RNF216: variants seen among roughly 807,000 people sequenced by gnomAD.
The protein encoded by RNF216 is E3 ubiquitin-protein ligase RNF216.
Under a neutral mutation model 110.8 loss-of-function variants are expected in RNF216, and 72 were observed. That is an observed-to-expected ratio of 0.65 (90% CI 0.54 to 0.79). The LOEUF (loss-of-function observed/expected upper bound fraction) is 0.79. RNF216 is among the 30% of genes least tolerant of loss of function. RNF216 has a pLI of 0.00. For synonymous variants in RNF216, 495 were observed against 407.5 expected, an observed-to-expected ratio of 1.21 and a Z score of -2.59; for missense variants, 1,342 against 1,141.2, an observed-to-expected ratio of 1.18 and a Z score of -2.54.
chr7:5,737,730 T>G (rs1794510591), intron 5 of RNF216, among the ~76,000 whole-genome samples: 1 of 152,042 alleles, frequency 6.6e-6, no homozygotes, highest in Non-Finnish European at 1.5e-5. Context: ...ACCTGCAACC[T>G]TGACTGAGAA....
chr7:5,670,993 TGCCGGA>T (rs2307941), intron 13 of RNF216, among the ~76,000 whole-genome samples: 2,271 of 152,342 alleles, frequency 0.015, 29 homozygotes, highest in South Asian at 0.034. Flanking sequence ...CCGGGGGAGC[TGCCGGA>T]GTGGCAGCCT....
chr7:5,750,835 G>A (rs1795289947), intron 3 of RNF216, among the ~76,000 whole-genome samples: 2 of 152,250 alleles, frequency 1.3e-5, no homozygotes, highest in Admixed American at 1.3e-4. Context: ...AGCCTCTGCA[G>A]ATAACCTGCA....
At chr7:5,646,389 A>T (rs2128571741) in intron 14 of RNF216, among the ~76,000 whole-genome samples, 1 of 151,828 alleles carries the variant, frequency 6.6e-6, no homozygotes, top group East Asian at 1.9e-4. Context: ...AAAACAAAAC[A>T]AAACAAAAGG....
At chr7:5,654,574 C>T (rs1788610580) in intron 13 of RNF216, among the ~76,000 whole-genome samples, 1 of 149,762 alleles carries the variant, frequency 6.7e-6, no homozygotes, top group African/African-American at 2.5e-5. Flanking sequence ...GTAATCCCAG[C>T]TACTTGGGAG....
intron 13 of RNF216, among the ~76,000 whole-genome samples, chr7:5,692,408 T>C (rs1326620250): frequency 6.6e-6 from 1 of 152,242 alleles, no homozygotes; most frequent in East Asian, 1.9e-4. Flanking sequence ...CCCATCCTTG[T>C]TAGTCAGACA....
At chr7:5,702,579 T>C (rs1792038512) in intron 13 of RNF216, among the ~76,000 whole-genome samples, 1 of 152,110 alleles carries the variant, frequency 6.6e-6, no homozygotes, top group Admixed American at 6.5e-5. Context: ...TCTTCTTCTT[T>C]AAAAGAATCT....
chr7:5,740,084 G>T (rs1177700989), intron 4 of RNF216, among the ~76,000 whole-genome samples: 1 of 143,796 alleles, frequency 7.0e-6, no homozygotes, highest in Non-Finnish European at 1.5e-5. Flanking sequence ...AAGGCAAATA[G>T]TGGCTACCAG....
intron 2 of RNF216, among the ~76,000 whole-genome samples, chr7:5,753,887 C>T (rs770721279): frequency 6.6e-6 from 1 of 151,998 alleles, no homozygotes; most frequent in African/African-American, 2.4e-5. Flanking sequence ...CCCAGCTATT[C>T]AGGAGGCTGA....
chr7:5,646,250 T>A (rs1387741084), intron 14 of RNF216, among the ~76,000 whole-genome samples: 1 of 152,142 alleles, frequency 6.6e-6, no homozygotes, highest in African/African-American at 2.4e-5. Flanking sequence ...ATGCTTGTAG[T>A]CCCAGCAACT....
intron 10 of RNF216, among the ~76,000 whole-genome samples, chr7:5,715,607 G>GT (rs1454982838): frequency 6.7e-5 from 3 of 44,918 alleles, no homozygotes; most frequent in Non-Finnish European, 1.9e-4. Context: ...GTGTGAATGG[G>GT]TCTATCGAGG....
At chr7:5,772,775 CTTTT>C (rs34504327) in intron 1 of RNF216, among the ~76,000 whole-genome samples, 3 of 133,546 alleles carry the variant, frequency 2.2e-5, no homozygotes, top group African/African-American at 2.7e-5. Flanking sequence ...AAAGATATTC[CTTTT>C]TTTTTTTTTT....
intron 12 of RNF216, 148 bp downstream of exon 12, chr7:5,712,567 A>G: frequency 1.3e-6 from 1 of 747,262 alleles, no homozygotes; most frequent in South Asian, 2.0e-5. Context: ...AAAATAAATA[A>G]GTAAAATTAT....
At chr7:5,757,412 T>TG (rs1562466762) in intron 2 of RNF216, among the ~76,000 whole-genome samples, 12 of 151,394 alleles carry the variant, frequency 7.9e-5, no homozygotes, top group Admixed American at 1.3e-4. Flanking sequence ...TCAGCTCTTT[T>TG]TGTGTGTGTG....
rs1791615237 is a variant in RNF216, at chr7:5,696,174, C to T, written c.2061+15587G>A. Among the ~76,000 whole-genome samples, 1 of 152,164 alleles carries T rather than the reference C, an allele frequency of 6.6e-6. No individual in the cohort carries two copies. Among genetic ancestry groups the T allele is most frequent in the Non-Finnish European group, 1.5e-5 (1 of 68,038 alleles). On this transcript the variant is annotated intron_variant, in intron 13 of 16. Coordinates refer to ENST00000389902, the MANE Select transcript of RNF216 (RefSeq NM_207111.4). This position sits in a 1 kb window ranked among gnomAD's most constrained non-coding sequence, Gnocchi z 5.4. ...CCACAGTCCATGTGGTGACGAAGAG[C>T]AGTTGGTACCGCATGGCTTTAAATT...
At chr7:5,767,169 C>T (rs573121012) in intron 1 of RNF216, among the ~76,000 whole-genome samples, 96 of 152,202 alleles carry the variant, frequency 6.3e-4, no homozygotes, top group African/African-American at 2.3e-3. Context: ...ACAGAAAGGA[C>T]GAATATATAA....
chr7:5,678,996 G>C (rs983310882), intron 13 of RNF216, among the ~76,000 whole-genome samples: 2 of 152,238 alleles, frequency 1.3e-5, no homozygotes, highest in Non-Finnish European at 2.9e-5. Flanking sequence ...AAATTTATGG[G>C]AGCCACAAGT....
At chr7:5,652,651 T>G (rs920274490) in intron 13 of RNF216, 141 bp from the exon 14 acceptor site, 9 of 627,278 alleles carry the variant, frequency 1.4e-5, no homozygotes, top group Non-Finnish European at 2.6e-5. Context: ...GGGGGGATAT[T>G]TCTAAAGACA....
chr7:5,666,079 T>C (rs1027693105), intron 13 of RNF216, among the ~76,000 whole-genome samples: 4 of 148,074 alleles, frequency 2.7e-5, no homozygotes, highest in Middle Eastern at 3.5e-3. Flanking sequence ...GGCAGGAGAA[T>C]GGCGTGAACC....
intron 14 of RNF216, among the ~76,000 whole-genome samples, chr7:5,641,772 C>T (rs150671235): frequency 2.0e-5 from 3 of 151,996 alleles, no homozygotes; most frequent in East Asian, 1.9e-4. Context: ...TGGTGGTGCA[C>T]GCCTGTAATC....
Sources: allele counts gnomAD v4.1 joint callset (sites outside exome capture counted in the v4.1 genomes callset), GRCh38; gene constraint gnomAD v4.1.1; non-coding constraint Gnocchi (gnomAD v3.1); transcripts MANE v1.5; gene names NCBI Gene and HGNC (gene_info 2026-07-23, HGNC 2026-07-21).